Variants in LRBA observed in about 807,000 individuals in gnomAD.
LRBA encodes LPS responsive beige-like anchor protein, also known as lipopolysaccharide-responsive and beige-like anchor protein.
LRBA carries 176 observed loss-of-function variants against 330.0 expected under a neutral mutation model. The ratio of observed to expected loss-of-function variants is 0.53; its 90% CI spans 0.47 to 0.60. The LOEUF is 0.60. Among genes scored for constraint, LRBA ranks in the 20% least tolerant of loss-of-function variants. The probability of loss-of-function intolerance (pLI) is 0.00; values close to 1 mark genes in which losing one functional copy is unlikely to be tolerated. For missense variants in LRBA, 3,259 were observed against 3,444.8 expected (o/e 0.95, Z 1.35); for synonymous variants, 1,230 against 1,193.0 (o/e 1.03, Z -0.64).
At position 150,583,296 on chromosome 4, in the gene LRBA, G is replaced by GGAC. The variant is rs1771642794; in HGVS notation, c.6330+4749_6330+4751dup. On this transcript the variant is annotated intron_variant, in intron 40 of 56. Coordinates refer to ENST00000651943, the MANE Select transcript of LRBA (RefSeq NM_001364905.1). This position sits in a 1 kb window ranked among gnomAD's most constrained non-coding sequence, Gnocchi z 9.8. ...ACCAGATGGGCGTCTTCAACTTCGT[G>GGAC]GACGACGGCTCGCTGCCCGGCTGCG... 1 of 1,614,096 alleles carries GGAC rather than the reference G, an allele frequency of 6.2e-7. No individual in the cohort carries two copies. The highest frequency in any genetic ancestry group is 1.1e-5 in the South Asian group (1 of 91,092).
chr4:150,861,314 T>G, intron 22 of LRBA, among the ~76,000 whole-genome samples: 1 of 147,928 alleles, frequency 6.8e-6, no homozygotes, highest in African/African-American at 2.5e-5. Flanking sequence ...TGTGTGTAGA[T>G]TGAGACTCAC....
At chr4:150,634,172 A>T (rs1371226507) in intron 37 of LRBA, among the ~76,000 whole-genome samples, 1 of 152,090 alleles carries the variant, frequency 6.6e-6, no homozygotes, top group African/African-American at 2.4e-5. Context: ...TCAAATTCCA[A>T]TTGAATTGTT....
At chr4:150,560,381 C>T (rs1768161797) in intron 40 of LRBA, among the ~76,000 whole-genome samples, 1 of 151,996 alleles carries the variant, frequency 6.6e-6, no homozygotes, top group Non-Finnish European at 1.5e-5. Context: ...GAGACTGAGC[C>T]AACATTAGTG....
chr4:150,448,815 AAAAAAAAG>A (rs1752953863), intron 44 of LRBA, among the ~76,000 whole-genome samples: 1 of 73,048 alleles, frequency 1.4e-5, no homozygotes, highest in Non-Finnish European at 3.0e-5. Context: ...AAAAAAAAAA[AAAAAAAAG>A]GGGGGGGGGG....
Position 150,536,845 on chromosome 4 carries a change from T to G in LRBA, c.6331-45810A>C, listed in dbSNP as rs78862701. On this transcript the variant is annotated intron_variant, in intron 40 of 56. Transcript: ENST00000651943. The stretch of plus-strand genomic sequence containing the variant: ...AGAAATCAGAGATCACACAAACAAA[T>G]GGAACAACATTCCGTTCTCATGAAT... Among the ~76,000 whole-genome samples, 643 of 152,234 alleles carry G rather than the reference T, an allele frequency of 4.2e-3. 3 individuals carry two copies. The highest frequency in any genetic ancestry group is 0.015 in the African/African-American group (622 of 41,542).
At chr4:150,702,326 C>A (rs1203014406) in intron 36 of LRBA, among the ~76,000 whole-genome samples, 1 of 152,048 alleles carries the variant, frequency 6.6e-6, no homozygotes, top group East Asian at 1.9e-4. Flanking sequence ...TTGCACTCTA[C>A]CAATTTCACA....
At chr4:150,920,246 C>A (rs1374560054) in intron 5 of LRBA, among the ~76,000 whole-genome samples, 1 of 151,964 alleles carries the variant, frequency 6.6e-6, no homozygotes, top group Non-Finnish European at 1.5e-5. Context: ...ACTGAAATAT[C>A]TTTTTTAAAA....
At chr4:150,679,317 T>C (rs768737710) in intron 37 of LRBA, among the ~76,000 whole-genome samples, 1 of 152,182 alleles carries the variant, frequency 6.6e-6, no homozygotes, top group Non-Finnish European at 1.5e-5. Context: ...TTCCTTGGAC[T>C]CTGGATTTTA....
At chr4:150,524,709 T>A (rs1344821548) in intron 40 of LRBA, among the ~76,000 whole-genome samples, 3 of 152,208 alleles carry the variant, frequency 2.0e-5, no homozygotes, top group Non-Finnish European at 2.9e-5. Flanking sequence ...AGGCTACAGG[T>A]AGATTGTCCC....
At chr4:150,795,062 T>C (rs1740581984) in intron 34 of LRBA, among the ~76,000 whole-genome samples, 1 of 152,108 alleles carries the variant, frequency 6.6e-6, no homozygotes, top group African/African-American at 2.4e-5. Flanking sequence ...CAATGCACAG[T>C]CATAAATTTA....
At chr4:150,550,006 T>A (rs1022620953) in intron 40 of LRBA, among the ~76,000 whole-genome samples, 1 of 152,134 alleles carries the variant, frequency 6.6e-6, no homozygotes, top group Admixed American at 6.5e-5. Context: ...CAACACATAG[T>A]GTGTAAATAA....
At chr4:150,973,752 C>A (rs775135691) in intron 2 of LRBA, among the ~76,000 whole-genome samples, 4 of 152,062 alleles carry the variant, frequency 2.6e-5, no homozygotes, top group Non-Finnish European at 5.9e-5. Flanking sequence ...CAGCACTTCA[C>A]GAGGCTGAAG....
chr4:150,828,922 GGT>G (rs753950457), intron 29 of LRBA, among the ~76,000 whole-genome samples: 1,100 of 106,192 alleles, frequency 0.01, 13 homozygotes, highest in East Asian at 0.048. Flanking sequence ...CTTTTTTGGG[GGT>G]GTGTGTGTGT....
At chr4:150,550,408 C>T (rs1205029448) in intron 40 of LRBA, among the ~76,000 whole-genome samples, 4 of 151,998 alleles carry the variant, frequency 2.6e-5, no homozygotes, top group Admixed American at 2.6e-4. Context: ...TTACAAAATA[C>T]AGCAAGTATC....
intron 35 of LRBA, among the ~76,000 whole-genome samples, chr4:150,738,234 G>A (rs6822633): frequency 0.69 from 104,641 of 151,760 alleles, 41,957 homozygotes; most frequent in Non-Finnish European, 0.9. Flanking sequence ...CAGGTGATCC[G>A]CCCGCCTTGG....
intron 40 of LRBA, among the ~76,000 whole-genome samples, chr4:150,532,615 A>C (rs1487079943): frequency 6.6e-6 from 1 of 152,120 alleles, no homozygotes; most frequent in African/African-American, 2.4e-5. Flanking sequence ...TGCTATTTTT[A>C]AAAGTTAATT....
chr4:150,346,100 G>A (rs1037574323), intron 48 of LRBA, among the ~76,000 whole-genome samples: 2 of 152,026 alleles, frequency 1.3e-5, no homozygotes, highest in Non-Finnish European at 2.9e-5. Context: ...AAGCCACTGC[G>A]CCTGGCCCCA....
At chr4:150,908,310 A>G (rs2127164617) in intron 11 of LRBA, 24 bp downstream of exon 11, 1 of 1,600,170 alleles carries the variant, frequency 6.2e-7, no homozygotes, top group Non-Finnish European at 8.5e-7. Context: ...ACAGCCAATT[A>G]AAGAAACAAA....
At chr4:150,436,352 C>A (rs977177052) in intron 45 of LRBA, among the ~76,000 whole-genome samples, 8 of 152,034 alleles carry the variant, frequency 5.3e-5, no homozygotes, top group Admixed American at 2.6e-4. Flanking sequence ...TTAGTTTTAC[C>A]AACAAACTTA....
Sources: allele counts gnomAD v4.1 joint callset (sites outside exome capture counted in the v4.1 genomes callset), GRCh38; gene constraint gnomAD v4.1.1; non-coding constraint Gnocchi (gnomAD v3.1); transcripts MANE v1.5; gene names NCBI Gene and HGNC (gene_info 2026-07-23, HGNC 2026-07-21).